The following BCAS3 variants were observed in gnomAD, a reference collection of about 807,000 sequenced individuals.
BCAS3 encodes BCAS3 microtubule associated cell migration factor.
Under a neutral mutation model 116.1 loss-of-function variants are expected in BCAS3, and 53 were observed. The ratio of observed to expected loss-of-function variants is 0.46; its 90% CI spans 0.37 to 0.57. The LOEUF is 0.57. Among genes scored for constraint, BCAS3 ranks in the 20% least tolerant of loss-of-function variants. BCAS3 has a pLI of 0.00. For synonymous variants in BCAS3, 391 were observed against 408.2 expected, an observed-to-expected ratio of 0.96 and a Z score of 0.51; for missense variants, 917 against 1,165.4, an observed-to-expected ratio of 0.79 and a Z score of 3.10.
At chr17:61,386,631 G>A (rs997537613) in intron 23 of BCAS3, among the ~76,000 whole-genome samples, 13 of 152,130 alleles carry the variant, frequency 8.5e-5, no homozygotes, top group Non-Finnish European at 1.3e-4. Flanking sequence ...GTCCTCCCTG[G>A]CCCCTCTCAG....
chr17:60,707,023 C>T (rs2037240996), intron 4 of BCAS3, among the ~76,000 whole-genome samples: 1 of 151,590 alleles, frequency 6.6e-6, no homozygotes, highest in African/African-American at 2.4e-5. Context: ...CAGAGTTTTG[C>T]TCTTGTTGCC....
At chr17:60,930,922 G>T (rs1412716793) in intron 13 of BCAS3, among the ~76,000 whole-genome samples, 2 of 152,166 alleles carry the variant, frequency 1.3e-5, no homozygotes, top group Admixed American at 1.3e-4. Flanking sequence ...ACGAATTTAG[G>T]AGACCATGTA....
chr17:60,953,195 G>A (rs1025810904), intron 14 of BCAS3, among the ~76,000 whole-genome samples: 9 of 152,172 alleles, frequency 5.9e-5, no homozygotes, highest in African/African-American at 2.2e-4. Flanking sequence ...ATTGCCACAC[G>A]GCTTTCCCCA....
At chr17:60,775,917 C>T (rs1598631349) in intron 6 of BCAS3, among the ~76,000 whole-genome samples, 1 of 151,940 alleles carries the variant, frequency 6.6e-6, no homozygotes, top group Admixed American at 6.6e-5. Context: ...AAGAAATGAA[C>T]CAAGAATTAT....
At chr17:60,779,098 G>A (rs1448964026) in intron 6 of BCAS3, among the ~76,000 whole-genome samples, 8 of 151,926 alleles carry the variant, frequency 5.3e-5, no homozygotes, top group Non-Finnish European at 7.4e-5. Flanking sequence ...TTCCTAATCC[G>A]AAAATCCAAA....
At position 60,758,317 on chromosome 17, in the gene BCAS3, T is replaced by G. The variant is rs951843792; in HGVS notation, c.403+11038T>G. Reference sequence around the variant, plus strand: ...TTGGTATTTTGAGGTTTATTGATTTTGTTTATCTTTTTGAAGAACCAACTT... The same window carrying G: ...TTGGTATTTTGAGGTTTATTGATTTGGTTTATCTTTTTGAAGAACCAACTT... On this transcript the variant is annotated intron_variant, in intron 6 of 23. Coordinates refer to ENST00000407086, the MANE Select transcript of BCAS3 (RefSeq NM_017679.5). Among the ~76,000 whole-genome samples, 7 of 152,354 alleles carry G rather than the reference T, an allele frequency of 4.6e-5. No homozygotes were observed. In the South Asian group the frequency reaches 1.2e-3, roughly 27 times the overall value.
chr17:60,793,641 G>T (rs2046967541), intron 6 of BCAS3, among the ~76,000 whole-genome samples: 1 of 152,088 alleles, frequency 6.6e-6, no homozygotes. Flanking sequence ...ATATTAGTGA[G>T]AACATATGAT....
At chr17:61,246,095 C>G (rs2047922495) in intron 22 of BCAS3, among the ~76,000 whole-genome samples, 1 of 152,166 alleles carries the variant, frequency 6.6e-6, no homozygotes, top group East Asian at 1.9e-4. Context: ...CAGGAATTCT[C>G]TTCTATCCTG....
intron 15 of BCAS3, among the ~76,000 whole-genome samples, chr17:60,991,905 A>G (rs1363582790): frequency 3.3e-5 from 5 of 151,984 alleles, no homozygotes; most frequent in Non-Finnish European, 7.4e-5. Context: ...ATTTAGTATA[A>G]TGTTTTTGAA....
At chr17:60,999,808 G>A (rs1374085620) in intron 15 of BCAS3, among the ~76,000 whole-genome samples, 2 of 152,050 alleles carry the variant, frequency 1.3e-5, no homozygotes, top group Non-Finnish European at 2.9e-5. Context: ...TCCATTTGCT[G>A]GTGTCATGTG....
intron 4 of BCAS3, among the ~76,000 whole-genome samples, chr17:60,692,466 TCTC>T (rs2034968637): frequency 6.6e-6 from 1 of 152,062 alleles, no homozygotes; most frequent in Non-Finnish European, 1.5e-5. Context: ...ATGGTCTCGA[TCTC>T]CTGACCTCGT....
rs1167233906 is a variant in BCAS3 at position 61,307,027 on chromosome 17, G to T, written c.2426-61300G>T. On this transcript the variant is annotated intron_variant, in intron 22 of 23. Coordinates refer to ENST00000407086, the MANE Select transcript of BCAS3 (RefSeq NM_017679.5). This position sits in a 1 kb window ranked among gnomAD's most constrained non-coding sequence, Gnocchi z 4.7. ...TTTGGCATCAGGGCTCTGGGCCTTT[G>T]CCCCCAGCTTCTGTGATTCTCTCAA... is the stretch of plus-strand genomic sequence containing the variant. Among the ~76,000 whole-genome samples, 1 of 152,200 alleles carries T rather than the reference G, an allele frequency of 6.6e-6. No individual in the cohort carries two copies. Among genetic ancestry groups the T allele is most frequent in the Non-Finnish European group, 1.5e-5 (1 of 68,036 alleles).
At chr17:60,917,330 A>C (rs902701555) in intron 12 of BCAS3, among the ~76,000 whole-genome samples, 7 of 152,170 alleles carry the variant, frequency 4.6e-5, no homozygotes, top group Non-Finnish European at 1.0e-4. Context: ...TCTGTTTCCC[A>C]GGCCCTGGTA....
intron 7 of BCAS3, among the ~76,000 whole-genome samples, chr17:60,834,782 T>C (rs1009257363): frequency 9.9e-5 from 15 of 151,996 alleles, no homozygotes; most frequent in African/African-American, 3.4e-4. Flanking sequence ...TTTTTTTGTT[T>C]ATCATAACTG....
Position 61,244,375 on chromosome 17 carries a change from G to A in BCAS3, c.2426-123952G>A, listed in dbSNP as rs1474590772. Among the ~76,000 whole-genome samples the A allele has an allele frequency of 6.6e-6, 1 of 152,070 alleles. No homozygotes were observed. Among genetic ancestry groups the A allele is most frequent in the Non-Finnish European group, 1.5e-5 (1 of 68,012 alleles). On this transcript the variant is annotated intron_variant, in intron 22 of 23. Transcript: ENST00000407086. The surrounding 1 kb of genome is among the most constrained non-coding windows in gnomAD (Gnocchi z 4.9). Reference sequence around the variant, plus strand: ...GTCTTACCTGTCCAGTAATGAATGTGTTTTCCTTTGCTTTTTTACTTAGCA... The same window carrying A: ...GTCTTACCTGTCCAGTAATGAATGTATTTTCCTTTGCTTTTTTACTTAGCA...
At chr17:61,359,165 G>A (rs1254350807) in intron 22 of BCAS3, among the ~76,000 whole-genome samples, 4 of 152,090 alleles carry the variant, frequency 2.6e-5, no homozygotes, top group African/African-American at 9.7e-5. Context: ...CTTGCCTCTG[G>A]CCCAGTGTTC....
At chr17:60,802,291 A>AT (rs1372103422) in intron 6 of BCAS3, among the ~76,000 whole-genome samples, 1 of 137,926 alleles carries the variant, frequency 7.3e-6, no homozygotes, top group African/African-American at 3.1e-5. Flanking sequence ...CTCAAAAAAA[A>AT]AAAAATATAT....
intron 22 of BCAS3, among the ~76,000 whole-genome samples, chr17:61,177,325 A>C (rs911195338): frequency 6.6e-6 from 1 of 152,238 alleles, no homozygotes; most frequent in Non-Finnish European, 1.5e-5. Context: ...TAACAGGTAA[A>C]TGGAGAAACG....
rs1421495342 is a variant in BCAS3, at chr17:61,214,324, G to C, written c.2425+129760G>C. ...GGAGGTTGCGGTGAGCTGAGATCAT[G>C]CCATTGCACTCCAGCCTCGGCCACA... On this transcript the variant is annotated intron_variant, in intron 22 of 23. Transcript: ENST00000407086. This position sits in a 1 kb window ranked among gnomAD's most constrained non-coding sequence, Gnocchi z 4.4. Among the ~76,000 whole-genome samples, 1 of 151,970 alleles carries C rather than the reference G, an allele frequency of 6.6e-6. No individual in the cohort carries two copies. The highest frequency in any genetic ancestry group is 1.5e-5 in the Non-Finnish European group (1 of 68,004).
Sources: gnomAD v4.1 joint callset for allele counts (sites outside exome capture counted in the v4.1 genomes callset) on GRCh38, gnomAD v4.1.1 for gene constraint, Gnocchi (gnomAD v3.1) non-coding constraint, MANE v1.5 for transcripts, NCBI Gene and HGNC (gene_info 2026-07-23, HGNC 2026-07-21) for gene names.